The following DCAF8L2 variants were observed in gnomAD, a reference collection of about 807,000 sequenced individuals.
DCAF8L2 encodes DDB1 and CUL4 associated factor 8 like 2.
For missense variants in DCAF8L2, 430 were observed against 490.7 expected (o/e 0.88, Z 1.17); for synonymous variants, 200 against 190.9 (o/e 1.05, Z -0.39).
the DCAF8L2 span, among the ~76,000 whole-genome samples, chrX:27,526,526 G>A: frequency 3.6e-5 from 4 of 112,517 alleles, no homozygotes; most frequent in East Asian, 2.8e-4. Flanking sequence ...CTCTCAACTC[G>A]TCAAAGTCAT....
At chrX:27,547,012 A>G in the DCAF8L2 span, among the ~76,000 whole-genome samples, 1 of 112,095 alleles carries the variant, frequency 8.9e-6, no homozygotes, top group African/African-American at 3.3e-5. Flanking sequence ...TTTCTATCAC[A>G]TTGTCAGGCT....
the DCAF8L2 span, among the ~76,000 whole-genome samples, chrX:27,514,214 G>A: frequency 1.4e-5 from 1 of 73,668 alleles, no homozygotes; most frequent in African/African-American, 7.2e-5. Context: ...ATGTATGTGT[G>A]CTATGTACCT....
intron 3 of DCAF8L2, among the ~76,000 whole-genome samples, chrX:27,709,030 C>G (rs1052250326): frequency 8.9e-6 from 1 of 112,466 alleles, no homozygotes; most frequent in African/African-American, 3.2e-5. Flanking sequence ...AGCAATTCTC[C>G]TGCCTCAGCC....
the DCAF8L2 span, among the ~76,000 whole-genome samples, chrX:27,539,473 G>T: frequency 9.0e-6 from 1 of 111,554 alleles, no homozygotes; most frequent in Non-Finnish European, 1.9e-5. Context: ...ATAGTATGGT[G>T]CCTTTCTGTC....
intron 3 of DCAF8L2, among the ~76,000 whole-genome samples, chrX:27,690,766 C>CT (rs752560019): frequency 9.0e-6 from 1 of 111,648 alleles, no homozygotes; most frequent in Non-Finnish European, 1.9e-5. Flanking sequence ...GAGTTTTGCT[C>CT]TTTTTCTCTT....
intron 2 of DCAF8L2, among the ~76,000 whole-genome samples, chrX:27,664,771 G>A (rs899655023): frequency 9.0e-6 from 1 of 110,804 alleles, no homozygotes; most frequent in African/African-American, 3.3e-5. Context: ...AGATCTTAGA[G>A]CCTATAAGTA....
rs1421899928 is a variant in DCAF8L2, at chrX:27,590,396, T to C, written c.-386T>C. Reference sequence around the variant, plus strand: ...CCCACAAGGTTATTTAGAAGACGTCTTGCACTGTTCAAATGCAGAGGAAGG... The same window carrying C: ...CCCACAAGGTTATTTAGAAGACGTCCTGCACTGTTCAAATGCAGAGGAAGG... On this transcript the variant is annotated 5_prime_UTR_variant, in exon 1 of 5. Transcript: ENST00000451261. 1.8e-5 allele frequency: 2 copies of C among 111,580 alleles called. No homozygotes were observed. Among genetic ancestry groups the C allele is most frequent in the Non-Finnish European group, 3.8e-5 (2 of 53,151 alleles). The allele number at this position is 111,580 out of a possible 1,213,427, so 9.2% of individuals were successfully genotyped here.
chrX:27,552,518 G>A, the DCAF8L2 span, among the ~76,000 whole-genome samples: 1 of 111,637 alleles, frequency 9.0e-6, no homozygotes, highest in South Asian at 3.8e-4. Flanking sequence ...GCATATGAAT[G>A]TCCAGTTTTC....
chrX:27,741,211 C>A (rs1343703865), intron 4 of DCAF8L2, among the ~76,000 whole-genome samples: 1 of 111,741 alleles, frequency 8.9e-6, no homozygotes, highest in African/African-American at 3.3e-5. Context: ...TGGAACTGTT[C>A]TTTGCAATGG....
chrX:27,591,133 G>C (rs2084582880), intron 1 of DCAF8L2, among the ~76,000 whole-genome samples: 1 of 107,797 alleles, frequency 9.3e-6, no homozygotes, highest in African/African-American at 3.3e-5. Flanking sequence ...TCCTGAATTT[G>C]AAAATACATG....
At chrX:27,612,660 A>G (rs1198129860) in intron 1 of DCAF8L2, among the ~76,000 whole-genome samples, 1 of 112,077 alleles carries the variant, frequency 8.9e-6, no homozygotes, top group Non-Finnish European at 1.9e-5. Flanking sequence ...AGCTTTCTAC[A>G]TGTGGCTAGC....
chrX:27,580,519 A>G, the DCAF8L2 span, among the ~76,000 whole-genome samples: 7 of 111,454 alleles, frequency 6.3e-5, no homozygotes, highest in African/African-American at 2.3e-4. Flanking sequence ...TGAAAAAGAC[A>G]AACAAAAAAA....
At chrX:27,637,316 G>C (rs5971207) in intron 2 of DCAF8L2, among the ~76,000 whole-genome samples, 20,537 of 111,327 alleles carry the variant, frequency 0.18, 1,520 homozygotes, top group East Asian at 0.43. Flanking sequence ...CTATTTCAGG[G>C]ATCTCCAGAT....
intron 2 of DCAF8L2, among the ~76,000 whole-genome samples, chrX:27,644,029 A>G (rs1276672675): frequency 1.8e-5 from 2 of 111,391 alleles, no homozygotes; most frequent in African/African-American, 6.5e-5. Flanking sequence ...CATTTTACCC[A>G]TCTCCATCTA....
the DCAF8L2 span, among the ~76,000 whole-genome samples, chrX:27,565,152 A>G: frequency 9.1e-6 from 1 of 109,986 alleles, no homozygotes; most frequent in Non-Finnish European, 1.9e-5. Context: ...GCAAGATTTC[A>G]TTTTCCCCCA....
At chrX:27,534,630 G>A in the DCAF8L2 span, among the ~76,000 whole-genome samples, 2 of 111,625 alleles carry the variant, frequency 1.8e-5, no homozygotes, top group African/African-American at 3.3e-5. Context: ...GTGAGAAACC[G>A]TATTTCTTGA....
At chrX:27,658,147 G>A (rs1317960935) in intron 2 of DCAF8L2, among the ~76,000 whole-genome samples, 3 of 112,296 alleles carry the variant, frequency 2.7e-5, no homozygotes, top group Admixed American at 9.5e-5. Flanking sequence ...ACTTGAATCC[G>A]AAAAGTAAGT....
the DCAF8L2 span, among the ~76,000 whole-genome samples, chrX:27,563,450 A>AT: frequency 1.8e-5 from 2 of 112,236 alleles, no homozygotes; most frequent in Non-Finnish European, 3.8e-5. Flanking sequence ...AGGGGGGACC[A>AT]TAGACATATT....
the DCAF8L2 span, among the ~76,000 whole-genome samples, chrX:27,507,700 T>C: frequency 9.0e-6 from 1 of 111,686 alleles, no homozygotes; most frequent in Non-Finnish European, 1.9e-5. Flanking sequence ...CAGAGTTGTT[T>C]TGAAAATTAA....
Sources: gnomAD v4.1 joint callset for allele counts (sites outside exome capture counted in the v4.1 genomes callset) on GRCh38, gnomAD v4.1.1 for gene constraint, MANE v1.5 for transcripts, NCBI Gene and HGNC (gene_info 2026-07-23, HGNC 2026-07-21) for gene names.